MOK: variants seen among roughly 807,000 people sequenced by gnomAD.
The protein encoded by MOK is MOK protein kinase.
MOK carries 59 observed loss-of-function variants against 54.2 expected under a neutral mutation model. The ratio of observed to expected loss-of-function variants is 1.09; its 90% CI spans 0.88 to 1.35. The LOEUF (loss-of-function observed/expected upper bound fraction) is 1.35, where lower values mean the gene tolerates loss of function less well. MOK is among the 40% of genes most tolerant of loss of function. The pLI, the probability that MOK is intolerant of heterozygous loss-of-function variation, is 0.00. For missense variants in MOK, 517 were observed against 526.2 expected (o/e 0.98, Z 0.17); for synonymous variants, 210 against 202.7 (o/e 1.04, Z -0.31).
intron 1 of MOK, among the ~76,000 whole-genome samples, chr14:102,301,786 C>T (rs1481118719): frequency 6.6e-6 from 1 of 152,052 alleles, no homozygotes; most frequent in African/African-American, 2.4e-5. Context: ...ACCAAGTAAC[C>T]GAAAACTACC....
chr14:102,224,036 G>GTTTTTTTTTTTTTTTTTTTTTTTTTTT (rs1184725386), downstream of MOK, among the ~76,000 whole-genome samples: 2 of 139,442 alleles, frequency 1.4e-5, no homozygotes, highest in African/African-American at 5.4e-5. Flanking sequence ...GTTTACCTGA[G>GTTTTTTTTTTTTTTTTTTTTTTTTTTT]ATTTTTTTTT....
rs572111774 is a variant in MOK, at chr14:102,260,976, G to A, written c.283+2570C>T. On this transcript the variant is annotated intron_variant, in intron 4 of 11. Coordinates refer to ENST00000361847, the MANE Select transcript of MOK (RefSeq NM_014226.3). ...TCTCTACTAAAAATACAAAACAATT[G>A]GCTGGGCGCGGTGGCTCATGCCTGT... Among the ~76,000 whole-genome samples, 699 of 151,894 alleles carry A rather than the reference G, an allele frequency of 4.6e-3. 6 individuals are homozygous for A. Among genetic ancestry groups the A allele is most frequent in the African/African-American group, 0.016 (649 of 41,400 alleles).
chr14:102,250,683 A>C, intron 7 of MOK, 129 bp downstream of exon 7: 1 of 1,001,824 alleles, frequency 1.0e-6, no homozygotes, highest in Non-Finnish European at 1.4e-6. Context: ...TTTCTGTTAA[A>C]TTAAAAACAG....
chr14:102,223,018 G>A, downstream of MOK: 2 of 1,036,546 alleles, frequency 1.9e-6, no homozygotes, highest in Non-Finnish European at 2.9e-6. Context: ...CGTGTGGACG[G>A]TGACCGGCTC....
At chr14:102,216,111 TC>T in the MOK span, among the ~76,000 whole-genome samples, 2 of 152,172 alleles carry the variant, frequency 1.3e-5, no homozygotes, top group Non-Finnish European at 2.9e-5. Context: ...GGTGGGGAAC[TC>T]CCAGAAGCTT....
At chr14:102,255,435 C>T (rs2066873266) in intron 4 of MOK, among the ~76,000 whole-genome samples, 2 of 152,184 alleles carry the variant, frequency 1.3e-5, no homozygotes. Flanking sequence ...TGCCTTCAGT[C>T]CCAGGTAAGA....
chr14:102,264,354 G>C (rs1465597997), intron 3 of MOK: 1 of 152,258 alleles, frequency 6.6e-6, no homozygotes, highest in Non-Finnish European at 1.5e-5. Flanking sequence ...ACCAGTCAGG[G>C]GAAAAAGAGA....
chr14:102,290,632 G>A (rs2070673850), intron 1 of MOK, among the ~76,000 whole-genome samples: 1 of 152,168 alleles, frequency 6.6e-6, no homozygotes, highest in Admixed American at 6.6e-5. Flanking sequence ...ACTGCACCAG[G>A]AAGGGCTGCT....
intron 7 of MOK, among the ~76,000 whole-genome samples, chr14:102,237,856 A>C (rs1037067610): frequency 6.6e-6 from 1 of 152,192 alleles, no homozygotes; most frequent in Admixed American, 6.5e-5. Flanking sequence ...CAGGAAACTA[A>C]CATTGAGTCA....
the MOK span, among the ~76,000 whole-genome samples, chr14:102,216,724 G>A: frequency 6.6e-6 from 1 of 152,170 alleles, no homozygotes; most frequent in Non-Finnish European, 1.5e-5. Context: ...GAGCCCAGGA[G>A]TTTGAGACCA....
Position 102,230,103 on chromosome 14 carries a change from G to C in MOK, c.982-446C>G, listed in dbSNP as rs2064537049. On this transcript the variant is annotated intron_variant, in intron 10 of 11. Coordinates refer to ENST00000361847, the MANE Select transcript of MOK (RefSeq NM_014226.3). This position sits in a 1 kb window ranked among gnomAD's most constrained non-coding sequence, Gnocchi z 4.1. ...CTGTAGCACAGACTGGAGTGCAGTGGTGCAATCTTGGCTCACTGTAGCCTC... is the reference window on the plus strand; with the variant it reads ...CTGTAGCACAGACTGGAGTGCAGTGCTGCAATCTTGGCTCACTGTAGCCTC... The C allele has an allele frequency of 6.1e-6, 1 of 163,724 alleles. No homozygotes were observed. The highest frequency in any genetic ancestry group is 1.3e-5 in the Non-Finnish European group (1 of 74,762). The allele number at this position is 163,724 out of a possible 1,614,324, so 10.1% of individuals were successfully genotyped here.
chr14:102,286,743 C>T (rs935513468), intron 1 of MOK, among the ~76,000 whole-genome samples: 1 of 151,966 alleles, frequency 6.6e-6, no homozygotes, highest in Admixed American at 6.6e-5. Flanking sequence ...ACCTGTATAA[C>T]GGAATATACT....
intron 6 of MOK, 50 bp from the exon 7 acceptor site, chr14:102,251,040 C>A: frequency 2.5e-6 from 4 of 1,577,030 alleles, no homozygotes; most frequent in South Asian, 1.1e-5. Context: ...ATGTGGCTAT[C>A]ATAATACAAA....
chr14:102,286,437 T>C (rs185334359), intron 1 of MOK, among the ~76,000 whole-genome samples: 56 of 147,586 alleles, frequency 3.8e-4, no homozygotes, highest in Admixed American at 9.5e-4. Flanking sequence ...TTGGGCAACA[T>C]AGACCCCGTC....
At chr14:102,246,436 G>A (rs2066099276) in intron 7 of MOK, among the ~76,000 whole-genome samples, 1 of 151,754 alleles carries the variant, frequency 6.6e-6, no homozygotes, top group Non-Finnish European at 1.5e-5. Context: ...CCAACCCTTC[G>A]TTCAGTCCAA....
rs544340827 is a variant in MOK, at chr14:102,240,243, G to C, written c.591-6454C>G. 1.3e-5 allele frequency among the ~76,000 whole-genome samples: 2 copies of C among 152,208 alleles called. No individual in the cohort carries two copies. The highest frequency in any genetic ancestry group is 4.8e-5 in the African/African-American group (2 of 41,538). On this transcript the variant is annotated intron_variant, in intron 7 of 11. Coordinates refer to ENST00000361847, the MANE Select transcript of MOK (RefSeq NM_014226.3). This position sits in a 1 kb window ranked among gnomAD's most constrained non-coding sequence, Gnocchi z 5.4. ...CTGACTCTGTTTTCGGACTCAGCCC[G>C]CCTGCACCCAGGTGAAATAAACAGC...
At chr14:102,294,188 T>G (rs2071127366) in intron 1 of MOK, among the ~76,000 whole-genome samples, 1 of 151,410 alleles carries the variant, frequency 6.6e-6, no homozygotes, top group Non-Finnish European at 1.5e-5. Flanking sequence ...GGCTCATGCC[T>G]GTAATCCCAG....
chr14:102,222,240 G>A (rs1343808804), downstream of MOK, among the ~76,000 whole-genome samples: 1 of 152,168 alleles, frequency 6.6e-6, no homozygotes, highest in African/African-American at 2.4e-5. The surrounding 1 kb of genome is among the most constrained non-coding windows in gnomAD (Gnocchi z 4.4). Flanking sequence ...TTGTTCTGGG[G>A]CTCCCCCGAC....
intron 1 of MOK, among the ~76,000 whole-genome samples, chr14:102,301,429 T>G (rs1319616649): frequency 6.6e-6 from 1 of 152,132 alleles, no homozygotes; most frequent in Non-Finnish European, 1.5e-5. Flanking sequence ...ACAGGAATAC[T>G]CCACAGAATA....
Sources: gnomAD v4.1 joint callset for allele counts (sites outside exome capture counted in the v4.1 genomes callset) on GRCh38, gnomAD v4.1.1 for gene constraint, Gnocchi (gnomAD v3.1) non-coding constraint, MANE v1.5 for transcripts, NCBI Gene and HGNC (gene_info 2026-07-23, HGNC 2026-07-21) for gene names.